SLC45A4: variants seen among roughly 807,000 people sequenced by gnomAD.
The protein encoded by SLC45A4 is polyamine-transporter SLC45A4.
A neutral mutation model predicts 63.7 loss-of-function variants in SLC45A4; 32 were observed. The ratio of observed to expected loss-of-function variants is 0.50; its 90% confidence interval spans 0.38 to 0.67. The LOEUF is 0.67. Ranked by LOEUF, SLC45A4 falls within the 30% of genes least tolerant of loss-of-function variation. SLC45A4 has a pLI of 0.00. For synonymous variants in SLC45A4, 535 were observed against 510.0 expected, an observed-to-expected ratio of 1.05 and a Z score of -0.66; for missense variants, 1,027 against 1,157.7, an observed-to-expected ratio of 0.89 and a Z score of 1.64.
chr8:141,212,307 A>G lies in SLC45A4; in HGVS notation c.2191T>C (p.Ser731Pro), dbSNP rs772423931. Residue 731 changes from serine (S) to proline (P), a missense_variant, in exon 8 of 9, where the codon TCT becomes CCT. Coordinates refer to ENST00000517878, the MANE Select transcript of SLC45A4 (RefSeq NM_001286646.2). ...CTGCCTTCGCCGGCCAACGGGGAAG[A>G]CAGGCCTTTCTGCTCCTCCTTGGCC... ...EEAKEEQKGL[S>P]SPLAGEGRAG... is the part of the protein sequence containing the mutation. 69 of 1,610,462 alleles carry G rather than the reference A, an allele frequency of 4.3e-5. No individual in the cohort carries two copies. The highest frequency in any genetic ancestry group is 5.7e-5 in the Non-Finnish European group (67 of 1,177,766).
chr8:141,238,031 T>C (rs1827716747), intron 2 of SLC45A4, among the ~76,000 whole-genome samples: 1 of 152,262 alleles, frequency 6.6e-6, no homozygotes. Flanking sequence ...TCAACTATTT[T>C]GGTCAAGATC....
At chr8:141,221,495 T>G in intron 3 of SLC45A4, 82 bp downstream of exon 3, 2 of 1,485,004 alleles carry the variant, frequency 1.3e-6, no homozygotes, top group Non-Finnish European at 1.8e-6. Context: ...TTCAACACCA[T>G]TCAGCTTTTA....
At chr8:141,213,131 A>T (rs1440811517) in intron 7 of SLC45A4, among the ~76,000 whole-genome samples, 1 of 152,266 alleles carries the variant, frequency 6.6e-6, no homozygotes, top group Non-Finnish European at 1.5e-5. Context: ...TCCACTAAGA[A>T]GCTAAAAAAC....
At chr8:141,306,641 GT>G (rs1435096370) in intron 1 of SLC45A4, among the ~76,000 whole-genome samples, 1 of 151,940 alleles carries the variant, frequency 6.6e-6, no homozygotes, top group African/African-American at 2.4e-5. Context: ...CCAGCTTTTT[GT>G]TTTCTTATTT....
At chr8:141,294,303 G>A (rs1830462192) in intron 1 of SLC45A4, among the ~76,000 whole-genome samples, 1 of 152,226 alleles carries the variant, frequency 6.6e-6, no homozygotes, top group Non-Finnish European at 1.5e-5. Context: ...AACGCCTGCT[G>A]TGAATGAACA....
At position 141,211,324 on chromosome 8, in the gene SLC45A4, TG is replaced by T; in HGVS notation, c.*247del. ...TTCAGACGGGACGAGCGGGGTCACA[TG>T]GCTGGGCGCAGACACACTCACACGC... On this transcript the variant is annotated 3_prime_UTR_variant, in exon 9 of 9. Transcript: ENST00000517878. The T allele has an allele frequency of 8.0e-7, 1 of 1,248,396 alleles. No homozygotes were observed. Among genetic ancestry groups the T allele is most frequent in the Non-Finnish European group, 1.1e-6 (1 of 928,884 alleles). 77.3% of individuals were successfully genotyped at this position (1,248,396 alleles called of 1,614,324 possible). A position where few individuals can be genotyped will look rare whatever the true frequency, so the allele number is the denominator to read the frequency against.
At chr8:141,290,771 G>A (rs947576823) in intron 1 of SLC45A4, among the ~76,000 whole-genome samples, 1 of 152,230 alleles carries the variant, frequency 6.6e-6, no homozygotes, top group African/African-American at 2.4e-5. Context: ...CTTACCCTAC[G>A]GTCCAGAGAC....
chr8:141,303,369 G>T (rs1454032329), intron 1 of SLC45A4, among the ~76,000 whole-genome samples: 1 of 149,130 alleles, frequency 6.7e-6, no homozygotes, highest in Non-Finnish European at 1.5e-5. Flanking sequence ...GGAACTCCTG[G>T]ACTCAAGCGA....
At chr8:141,265,888 C>T (rs1049317779) in intron 1 of SLC45A4, among the ~76,000 whole-genome samples, 34 of 152,184 alleles carry the variant, frequency 2.2e-4, no homozygotes, top group Non-Finnish European at 1.0e-4. Context: ...TGTTATGATT[C>T]GCAGATGCAC....
chr8:141,208,134 G>C lies in SLC45A4; in HGVS notation c.*3438C>G, dbSNP rs1172630711. 1 of 152,268 alleles carries C rather than the reference G, an allele frequency of 6.6e-6. No individual in the cohort carries two copies. Among genetic ancestry groups the C allele is most frequent in the Admixed American group, 6.5e-5 (1 of 15,290 alleles). The allele number at this position is 152,268 out of a possible 1,614,324, so 9.4% of individuals were successfully genotyped here. A position where few individuals can be genotyped will look rare whatever the true frequency, so the allele number is the denominator to read the frequency against. ...TAAGAAGCGAAACAGCGTGGGAAAA[G>C]GTGTCCATCTTTTCTGAAGCCGGTT... On this transcript the variant is annotated 3_prime_UTR_variant, in exon 9 of 9. Transcript: ENST00000517878.
chr8:141,263,203 G>A (rs1235876813), intron 1 of SLC45A4, among the ~76,000 whole-genome samples: 6 of 131,654 alleles, frequency 4.6e-5, no homozygotes, highest in East Asian at 5.0e-4. Flanking sequence ...GTCACACGCC[G>A]GGGACTGTTG....
chr8:141,287,059 C>A (rs770053062), intron 1 of SLC45A4, among the ~76,000 whole-genome samples: 5 of 152,124 alleles, frequency 3.3e-5, no homozygotes, highest in Admixed American at 6.5e-5. Flanking sequence ...AGTCGCCTGA[C>A]CGCTCCAGGT....
chr8:141,272,898 G>C (rs748641166), intron 1 of SLC45A4, among the ~76,000 whole-genome samples: 1 of 152,156 alleles, frequency 6.6e-6, no homozygotes, highest in Non-Finnish European at 1.5e-5. Flanking sequence ...ATACTGCATC[G>C]AATCAAAGCA....
chr8:141,273,224 G>C (rs1308007776), intron 1 of SLC45A4, among the ~76,000 whole-genome samples: 1 of 152,224 alleles, frequency 6.6e-6, no homozygotes, highest in Non-Finnish European at 1.5e-5. Flanking sequence ...ATGATCAGCT[G>C]AGTAGGTTTT....
In SLC45A4 at chr8:141,209,385, G is replaced by C. The variant is rs1825689017; in HGVS notation, c.*2187C>G. The C allele has an allele frequency of 6.6e-6, 1 of 152,334 alleles. No individual in the cohort carries two copies. The highest frequency in any genetic ancestry group is 2.4e-5 in the African/African-American group (1 of 41,444). 9.4% of individuals were successfully genotyped at this position (152,334 alleles called of 1,614,324 possible). A position where few individuals can be genotyped will look rare whatever the true frequency, so the allele number is the denominator to read the frequency against. ...GCAATCTGGAAATAATCTCAGTGCAGGGGAGGGGTTGAGGCCAAAGATGTC... is the reference window on the plus strand; with the variant it reads ...GCAATCTGGAAATAATCTCAGTGCACGGGAGGGGTTGAGGCCAAAGATGTC... On this transcript the variant is annotated 3_prime_UTR_variant, in exon 9 of 9. Coordinates refer to ENST00000517878, the MANE Select transcript of SLC45A4 (RefSeq NM_001286646.2).
intron 1 of SLC45A4, among the ~76,000 whole-genome samples, chr8:141,277,662 T>C (rs963157208): frequency 5.3e-5 from 8 of 151,936 alleles, no homozygotes; most frequent in African/African-American, 1.9e-4. Flanking sequence ...TTTTTTGAGA[T>C]GGAGTCTTGC....
chr8:141,293,824 T>C (rs779050730), intron 1 of SLC45A4, among the ~76,000 whole-genome samples: 2 of 151,896 alleles, frequency 1.3e-5, no homozygotes, highest in Non-Finnish European at 2.9e-5. Flanking sequence ...TCCCAGCTAC[T>C]TGGGAGGCTG....
chr8:141,227,654 C>A lies in SLC45A4; in HGVS notation c.242-5889G>T, dbSNP rs150421753. 3.4e-3 allele frequency among the ~76,000 whole-genome samples: 520 copies of A among 152,242 alleles called. 3 individuals are homozygous for A. Among genetic ancestry groups the A allele is most frequent in the African/African-American group, 0.012 (499 of 41,548 alleles). On this transcript the variant is annotated intron_variant, in intron 2 of 8. Coordinates refer to ENST00000517878, the MANE Select transcript of SLC45A4 (RefSeq NM_001286646.2). The surrounding 1 kb of genome is among the most constrained non-coding windows in gnomAD (Gnocchi z 4.4). ...CCACCTGCTTGCAAGAGGGGAAGGGCCACTGGCACTGGGCCCCCGGCACTG... is the reference window on the plus strand; with the variant it reads ...CCACCTGCTTGCAAGAGGGGAAGGGACACTGGCACTGGGCCCCCGGCACTG...
chr8:141,255,634 T>C (rs1429089241), intron 1 of SLC45A4, among the ~76,000 whole-genome samples: 3 of 152,126 alleles, frequency 2.0e-5, no homozygotes, highest in Non-Finnish European at 4.4e-5. Flanking sequence ...GAGAATCACT[T>C]GAACCCGGGA....
Sources: allele counts gnomAD v4.1 joint callset (sites outside exome capture counted in the v4.1 genomes callset), GRCh38; gene constraint gnomAD v4.1.1; non-coding constraint Gnocchi (gnomAD v3.1); transcripts MANE v1.5; gene names NCBI Gene and HGNC (gene_info 2026-07-23, HGNC 2026-07-21).